METTL15: variants seen among roughly 807,000 people sequenced by gnomAD.
METTL15 encodes 12S rRNA N(4)-cytidine methyltransferase METTL15.
In METTL15, 34 loss-of-function variants were observed where a neutral mutation model predicts 38.3. The ratio of observed to expected loss-of-function variants is 0.89; its 90% confidence interval spans 0.68 to 1.18. The LOEUF (loss-of-function observed/expected upper bound fraction) is 1.18, where lower values mean the gene tolerates loss of function less well. Among genes scored for constraint, METTL15 ranks in the 50% most tolerant of loss-of-function variants. The probability of loss-of-function intolerance (pLI) is 0.00; values close to 1 mark genes in which losing one functional copy is unlikely to be tolerated. For synonymous variants in METTL15, 162 were observed against 170.9 expected (o/e 0.95, Z 0.41); for missense variants, 438 against 498.4 (o/e 0.88, Z 1.15).
downstream of METTL15, among the ~76,000 whole-genome samples, chr11:28,336,672 A>G (rs1590337556): frequency 6.6e-6 from 1 of 152,220 alleles, no homozygotes; most frequent in South Asian, 2.1e-4. Context: ...ACCTTGTGAC[A>G]TCTTAACCAT....
chr11:28,166,026 G>C (rs11030232), intron 3 of METTL15, among the ~76,000 whole-genome samples: 22,015 of 152,052 alleles, frequency 0.14, 1,781 homozygotes, highest in East Asian at 0.28. Flanking sequence ...GTACCATACT[G>C]TTCTGATTAT....
In METTL15 at chr11:28,205,091, T is replaced by G. The variant is rs184163250; in HGVS notation, c.271-5971T>G. ...AAAATTGACCAGTTGCTATATTTAT[T>G]TATTTATTTTTATTTAATTTTTATT... On this transcript the variant is annotated intron_variant, in intron 3 of 6. Coordinates refer to ENST00000407364, the MANE Select transcript of METTL15 (RefSeq NM_001113528.2). 3.5e-3 allele frequency among the ~76,000 whole-genome samples: 525 copies of G among 151,904 alleles called. 2 individuals carry two copies. The highest frequency in any genetic ancestry group is 8.9e-3 in the South Asian group (43 of 4,818).
intron 6 of METTL15, among the ~76,000 whole-genome samples, chr11:28,505,371 G>A (rs553480614): frequency 9.2e-5 from 14 of 152,260 alleles, no homozygotes; most frequent in African/African-American, 2.9e-4. Flanking sequence ...CAAGCAGGAC[G>A]ATTTACTGAC....
At chr11:28,109,087 A>G (rs1169864759) in intron 1 of METTL15, among the ~76,000 whole-genome samples, 2 of 152,332 alleles carry the variant, frequency 1.3e-5, no homozygotes, top group Admixed American at 6.5e-5. Flanking sequence ...TGTGGATTCA[A>G]TATCACTTTA....
downstream of METTL15, among the ~76,000 whole-genome samples, chr11:28,334,962 T>C (rs1454564503): frequency 6.6e-6 from 1 of 152,106 alleles, no homozygotes; most frequent in Non-Finnish European, 1.5e-5. Context: ...CAGCAGGAGA[T>C]TGTGTCTTTG....
intron 5 of METTL15, among the ~76,000 whole-genome samples, chr11:28,378,191 G>C (rs938555116): frequency 2.0e-5 from 3 of 152,170 alleles, no homozygotes; most frequent in African/African-American, 4.8e-5. Flanking sequence ...CACCCAGTTC[G>C]AGCTTCCTGG....
intron 3 of METTL15, among the ~76,000 whole-genome samples, chr11:28,151,758 A>G (rs1225490481): frequency 6.6e-6 from 1 of 152,048 alleles, no homozygotes; most frequent in Non-Finnish European, 1.5e-5. Flanking sequence ...TACCTCATTC[A>G]ATAACAGTTT....
chr11:28,430,968 G>A (rs1590372244), intron 6 of METTL15, among the ~76,000 whole-genome samples: 6 of 93,440 alleles, frequency 6.4e-5, no homozygotes, highest in Non-Finnish European at 1.5e-4. Context: ...CTGCCCGGCC[G>A]CCCCTACTGG....
intron 6 of METTL15, among the ~76,000 whole-genome samples, chr11:28,329,104 A>T (rs2134061492): frequency 6.6e-6 from 1 of 152,226 alleles, no homozygotes; most frequent in Middle Eastern, 3.4e-3. Flanking sequence ...TTTTACAGTT[A>T]GGTCTTTGAT....
chr11:28,389,681 A>T (rs1157145198), intron 5 of METTL15, among the ~76,000 whole-genome samples: 1 of 151,416 alleles, frequency 6.6e-6, no homozygotes, highest in Admixed American at 6.6e-5. Flanking sequence ...GAATAGTGCC[A>T]CAATAAACAT....
At chr11:28,244,409 TTAAG>T (rs1322594919) in intron 4 of METTL15, among the ~76,000 whole-genome samples, 1 of 152,212 alleles carries the variant, frequency 6.6e-6, no homozygotes, top group Admixed American at 6.5e-5. Flanking sequence ...TCTGTGGTAT[TTAAG>T]TAGTTCCAAT....
At chr11:28,176,951 A>G (rs1358036558) in intron 3 of METTL15, among the ~76,000 whole-genome samples, 4 of 152,116 alleles carry the variant, frequency 2.6e-5, no homozygotes, top group African/African-American at 9.6e-5. Flanking sequence ...TAAACTTTTC[A>G]ATAATATTTT....
chr11:28,313,015 A>G (rs1402172875), intron 6 of METTL15, among the ~76,000 whole-genome samples: 4 of 150,830 alleles, frequency 2.7e-5, no homozygotes, highest in African/African-American at 9.7e-5. Context: ...TCGTATTATT[A>G]GTCAGAGTTC....
At chr11:28,526,319 C>T (rs1851811810) in intron 6 of METTL15, among the ~76,000 whole-genome samples, 1 of 152,188 alleles carries the variant, frequency 6.6e-6, no homozygotes, top group Non-Finnish European at 1.5e-5. Context: ...GCGAGGGCTG[C>T]GAGGGCTGCC....
chr11:28,174,721 G>A (rs1486129525), intron 3 of METTL15, among the ~76,000 whole-genome samples: 1 of 151,450 alleles, frequency 6.6e-6, no homozygotes, highest in African/African-American at 2.4e-5. Context: ...AGGCTGAGGC[G>A]GGAGAATGGT....
At chr11:28,391,784 C>T (rs1031486415) in intron 5 of METTL15, among the ~76,000 whole-genome samples, 25 of 152,230 alleles carry the variant, frequency 1.6e-4, no homozygotes, top group African/African-American at 5.5e-4. Flanking sequence ...GAAACTGGAT[C>T]CCTTCCTTTC....
chr11:28,337,708 T>C (rs1310987772), downstream of METTL15, among the ~76,000 whole-genome samples: 1 of 152,184 alleles, frequency 6.6e-6, no homozygotes, highest in Non-Finnish European at 1.5e-5. Flanking sequence ...GTATTTTTAC[T>C]GTATCTTTAA....
At chr11:28,413,837 C>G (rs1850749731) in intron 5 of METTL15, among the ~76,000 whole-genome samples, 1 of 152,184 alleles carries the variant, frequency 6.6e-6, no homozygotes, top group Non-Finnish European at 1.5e-5. Context: ...AGTCAAATCT[C>G]TGGATTCTTA....
intron 3 of METTL15, among the ~76,000 whole-genome samples, chr11:28,185,469 C>G (rs1043800983): frequency 6.6e-6 from 1 of 151,304 alleles, no homozygotes; most frequent in Non-Finnish European, 1.5e-5. Context: ...TTAGAATAGA[C>G]TAAATATATA....
Sources: allele counts gnomAD v4.1 joint callset (sites outside exome capture counted in the v4.1 genomes callset), GRCh38; gene constraint gnomAD v4.1.1; transcripts MANE v1.5; gene names NCBI Gene and HGNC (gene_info 2026-07-23, HGNC 2026-07-21).